The following MAP3K4 variants were observed in gnomAD, a reference collection of about 807,000 sequenced individuals.
MAP3K4 encodes the protein mitogen-activated protein kinase kinase kinase 4.
Under a neutral mutation model 185.6 loss-of-function variants are expected in MAP3K4, and 67 were observed. The ratio of observed to expected loss-of-function variants is 0.36; its 90% CI spans 0.30 to 0.44. MAP3K4 has a LOEUF of 0.44. MAP3K4 is among the 20% of genes least tolerant of loss of function. The pLI is 1.00. For synonymous variants in MAP3K4, 702 were observed against 710.4 expected, an observed-to-expected ratio of 0.99 and a Z score of 0.19; for missense variants, 1,551 against 1,995.1, an observed-to-expected ratio of 0.78 and a Z score of 4.24.
At position 161,096,186 on chromosome 6, in the gene MAP3K4, ATTTTTACTACT is replaced by A; in HGVS notation, c.3428-892_3428-882del. Among the ~76,000 whole-genome samples the A allele has an allele frequency of 6.6e-6, 1 of 152,260 alleles. No homozygotes were observed. Among genetic ancestry groups the A allele is most frequent in the East Asian group, 1.9e-4 (1 of 5,184 alleles). ...CTGTAAGGGAACTTCAGATCTCTCC[ATTTTTACTACT>A]TCTGTCTCTCTTGTTTCCCCTTATT... On this transcript the variant is annotated intron_variant, in intron 15 of 26. Transcript: ENST00000392142. The surrounding 1 kb of genome is among the most constrained non-coding windows in gnomAD (Gnocchi z 4.9).
At chr6:161,015,083 A>G (rs1187202174) in intron 1 of MAP3K4, among the ~76,000 whole-genome samples, 4 of 152,206 alleles carry the variant, frequency 2.6e-5, no homozygotes, top group Non-Finnish European at 5.9e-5. Flanking sequence ...AGTATAAATT[A>G]TAGTGCATTC....
At chr6:161,057,259 A>G (rs1443567714) in intron 3 of MAP3K4, among the ~76,000 whole-genome samples, 2 of 152,220 alleles carry the variant, frequency 1.3e-5, no homozygotes, top group Non-Finnish European at 2.9e-5. Context: ...TTCAAAGCAG[A>G]CAAAGCATGT....
rs1778627436 is a variant in MAP3K4 at position 161,117,337 on chromosome 6, T to G, written c.*467T>G. On this transcript the variant is annotated 3_prime_UTR_variant, in exon 27 of 27. Coordinates refer to ENST00000392142, the MANE Select transcript of MAP3K4 (RefSeq NM_005922.4). ...ATGCAAAAGGCTGATTACTGAAATTTAAGAAAAAGGTTCTTTTTTCAATAA... is the reference window on the plus strand; with the variant it reads ...ATGCAAAAGGCTGATTACTGAAATTGAAGAAAAAGGTTCTTTTTTCAATAA... 1 of 155,544 alleles carries G rather than the reference T, an allele frequency of 6.4e-6. No individual in the cohort carries two copies. The allele number at this position is 155,544 out of a possible 1,614,324, so 9.6% of individuals were successfully genotyped here. A position where few individuals can be genotyped will look rare whatever the true frequency, so the allele number is the denominator to read the frequency against.
intron 1 of MAP3K4, among the ~76,000 whole-genome samples, chr6:161,003,505 A>G (rs1192202512): frequency 2.6e-5 from 4 of 152,144 alleles, no homozygotes; most frequent in Non-Finnish European, 5.9e-5. Flanking sequence ...GTCCACTGGT[A>G]TCTTCTCAAA....
At chr6:161,111,297 A>G (rs1322898818) in intron 23 of MAP3K4, among the ~76,000 whole-genome samples, 2 of 152,254 alleles carry the variant, frequency 1.3e-5, no homozygotes, top group Admixed American at 1.3e-4. Flanking sequence ...TGAGAGATGA[A>G]CAGTATTCCC....
intron 3 of MAP3K4, among the ~76,000 whole-genome samples, chr6:161,060,186 T>C (rs1266678387): frequency 6.6e-6 from 1 of 152,222 alleles, no homozygotes; most frequent in Non-Finnish European, 1.5e-5. Flanking sequence ...TTAGCTTCTT[T>C]ATTATTCATT....
At chr6:161,036,469 A>G (rs1451146584) in intron 2 of MAP3K4, among the ~76,000 whole-genome samples, 3 of 152,200 alleles carry the variant, frequency 2.0e-5, no homozygotes, top group East Asian at 1.9e-4. Context: ...TTCTTTTACC[A>G]TTTGTAAAAG....
At chr6:161,038,680 G>T (rs1430699795) in intron 2 of MAP3K4, among the ~76,000 whole-genome samples, 2 of 152,222 alleles carry the variant, frequency 1.3e-5, no homozygotes, top group Non-Finnish European at 2.9e-5. Context: ...CTGTGGTTCA[G>T]GTGTGTAGGC....
chr6:161,056,733 A>G lies in MAP3K4; in HGVS notation c.1707+6754A>G, dbSNP rs1415386981. On this transcript the variant is annotated intron_variant, in intron 3 of 26. Coordinates refer to ENST00000392142, the MANE Select transcript of MAP3K4 (RefSeq NM_005922.4). This position sits in a 1 kb window ranked among gnomAD's most constrained non-coding sequence, Gnocchi z 5.4. The stretch of plus-strand genomic sequence containing the variant: ...TAGTCAAAACACTATTCTCCAAAGT[A>G]ACTTAGGTCAGCACCTTTTTCCTTC... 2.6e-5 allele frequency among the ~76,000 whole-genome samples: 4 copies of G among 152,202 alleles called. No individual in the cohort carries two copies. Among genetic ancestry groups the G allele is most frequent in the Non-Finnish European group, 5.9e-5 (4 of 68,036 alleles).
intron 4 of MAP3K4, among the ~76,000 whole-genome samples, chr6:161,072,888 A>G (rs1316684710): frequency 6.6e-6 from 1 of 151,692 alleles, no homozygotes; most frequent in Non-Finnish European, 1.5e-5. Flanking sequence ...AAATTTGCCC[A>G]TTTTTTGTTT....
chr6:161,052,945 A>G (rs1186292494), intron 3 of MAP3K4, among the ~76,000 whole-genome samples: 2 of 152,328 alleles, frequency 1.3e-5, no homozygotes, highest in East Asian at 1.9e-4. Flanking sequence ...TAGAGTGGGT[A>G]TAATACTACC....
chr6:161,016,457 C>G (rs776530784), intron 1 of MAP3K4, among the ~76,000 whole-genome samples: 9 of 152,178 alleles, frequency 5.9e-5, no homozygotes, highest in African/African-American at 1.2e-4. Context: ...CCCCAGTTTT[C>G]TCTTACACAT....
chr6:161,109,042 G>GT lies in MAP3K4; in HGVS notation c.4236+184dup, dbSNP rs1349716546. 9.2e-6 allele frequency: 14 copies of GT among 1,524,204 alleles called. No homozygotes were observed. Among genetic ancestry groups the GT allele is most frequent in the African/African-American group, 2.7e-5 (2 of 72,860 alleles). The allele number at this position is 1,524,204 out of a possible 1,614,324, so 94.4% of individuals were successfully genotyped here. A position where few individuals can be genotyped will look rare whatever the true frequency, so the allele number is the denominator to read the frequency against. Reference sequence around the variant, plus strand: ...AAACTAGAGGAGTTCCTCCTAAAATGTAAGTTGTAGACTGTAGTCATTAAC... The same window carrying GT: ...AAACTAGAGGAGTTCCTCCTAAAATGTTAAGTTGTAGACTGTAGTCATTAAC... On this transcript the variant is annotated intron_variant, in intron 22 of 26. Transcript: ENST00000392142. This position sits in a 1 kb window ranked among gnomAD's most constrained non-coding sequence, Gnocchi z 5.7.
rs2115118204 is a variant in MAP3K4, at chr6:161,022,398, A to G, written c.153-11861A>G. Among the ~76,000 whole-genome samples, 1 of 152,248 alleles carries G rather than the reference A, an allele frequency of 6.6e-6. No individual in the cohort carries two copies. The highest frequency in any genetic ancestry group is 1.9e-4 in the East Asian group (1 of 5,180). On this transcript the variant is annotated intron_variant, in intron 1 of 26. Transcript: ENST00000392142. This position sits in a 1 kb window ranked among gnomAD's most constrained non-coding sequence, Gnocchi z 4.2. ...GATGCAGTATCTTATCCAGAGTAAT[A>G]CCTTTATTTATAGCTGAGGAAATTT...
Position 161,021,829 on chromosome 6 carries a change from T to C in MAP3K4, c.153-12430T>C, listed in dbSNP as rs112206164. Reference sequence around the variant, plus strand: ...GACATGACTGTGATTTCCCTTGAGGTGCTAATAGTGTAATTTGACACACAA... The same window carrying C: ...GACATGACTGTGATTTCCCTTGAGGCGCTAATAGTGTAATTTGACACACAA... On this transcript the variant is annotated intron_variant, in intron 1 of 26. Transcript: ENST00000392142. 3.2e-3 allele frequency among the ~76,000 whole-genome samples: 484 copies of C among 152,238 alleles called. 4 individuals are homozygous for C. Among genetic ancestry groups the C allele is most frequent in the African/African-American group, 0.011 (464 of 41,540 alleles).
In MAP3K4 at chr6:161,107,667, C is replaced by T. The variant is rs528596806; in HGVS notation, c.4049-232C>T. On this transcript the variant is annotated intron_variant, in intron 20 of 26. Transcript: ENST00000392142. The surrounding 1 kb of genome is among the most constrained non-coding windows in gnomAD (Gnocchi z 6.2). ...CTGGAATTTACCAAAGTCGGTTCTG[C>T]TCTATTTAAAGATACTTGTAGGTAA... 9.2e-5 allele frequency among the ~76,000 whole-genome samples: 14 copies of T among 152,244 alleles called. No individual in the cohort carries two copies. The highest frequency in any genetic ancestry group is 1.5e-4 in the Non-Finnish European group (10 of 68,030).
rs199529184 is a variant in MAP3K4 at position 161,062,867 on chromosome 6, AGTTT to A, written c.1708-7730_1708-7727del. On this transcript the variant is annotated intron_variant, in intron 3 of 26. Coordinates refer to ENST00000392142, the MANE Select transcript of MAP3K4 (RefSeq NM_005922.4). ...GGTGTACACTTTGAATAAATAGTTT[AGTTT>A]GTTTGTTTGTCAGTCTGTTTTTTAA... Among the ~76,000 whole-genome samples the A allele has an allele frequency of 2.6e-3, 398 of 151,836 alleles. 4 individuals are homozygous for A. The East Asian group carries it at 0.036, about 14-fold the overall frequency.
intron 18 of MAP3K4, among the ~76,000 whole-genome samples, chr6:161,102,435 C>A (rs189994226): frequency 4.4e-3 from 668 of 152,196 alleles, no homozygotes; most frequent in Non-Finnish European, 7.5e-3. Flanking sequence ...CTAAGGAATC[C>A]ACTTTTTGCA....
In MAP3K4 at chr6:161,082,030, G is replaced by A. The variant is rs1039858856; in HGVS notation, c.2255+992G>A. Among the ~76,000 whole-genome samples the A allele has an allele frequency of 2.0e-5, 3 of 151,838 alleles. No homozygotes were observed. The highest frequency in any genetic ancestry group is 2.1e-4 in the South Asian group (1 of 4,800). ...CTTTAGCTTTGTTCTTGACTCTGCCGATTTCTCCTATGTTCAGTCTCGGAA... is the reference window on the plus strand; with the variant it reads ...CTTTAGCTTTGTTCTTGACTCTGCCAATTTCTCCTATGTTCAGTCTCGGAA... On this transcript the variant is annotated intron_variant, in intron 6 of 26. Coordinates refer to ENST00000392142, the MANE Select transcript of MAP3K4 (RefSeq NM_005922.4). The surrounding 1 kb of genome is among the most constrained non-coding windows in gnomAD (Gnocchi z 4.2).
Sources: allele counts gnomAD v4.1 joint callset (sites outside exome capture counted in the v4.1 genomes callset), GRCh38; gene constraint gnomAD v4.1.1; non-coding constraint Gnocchi (gnomAD v3.1); transcripts MANE v1.5; gene names NCBI Gene and HGNC (gene_info 2026-07-23, HGNC 2026-07-21).